The following HTR2C variants were observed in gnomAD, a reference collection of about 807,000 sequenced individuals.
HTR2C encodes the protein 5-hydroxytryptamine receptor 2C.
A neutral mutation model predicts 21.0 loss-of-function variants in HTR2C; 5 were observed. The observed-to-expected ratio is 0.24, with a 90% CI of 0.12 to 0.50. The LOEUF (loss-of-function observed/expected upper bound fraction) is 0.50. HTR2C is among the 20% of genes least tolerant of loss of function. The pLI is 0.98. For missense variants in HTR2C, 271 were observed against 371.2 expected (o/e 0.73, Z 2.22); for synonymous variants, 150 against 145.3 (o/e 1.03, Z -0.23).
intron 4 of HTR2C, among the ~76,000 whole-genome samples, chrX:114,786,609 A>C (rs1167783891): frequency 4.5e-5 from 5 of 111,672 alleles, no homozygotes; most frequent in African/African-American, 1.6e-4. Context: ...TTTAGCTATT[A>C]TATTACACTC....
rs782496143 is a variant in HTR2C at position 114,609,152 on chromosome X, T to TA, written c.-146-4656dup. Among the ~76,000 whole-genome samples the TA allele has an allele frequency of 3.5e-4, 39 of 111,393 alleles. No individual in the cohort carries two copies. The East Asian group carries it at 6.5e-3, about 19-fold the overall frequency. On this transcript the variant is annotated intron_variant, in intron 1 of 5. Coordinates refer to ENST00000276198, the MANE Select transcript of HTR2C (RefSeq NM_000868.4). ...GTATTTTGGCCACTAACATCACTAA[T>TA]AAAAAAACAGTAAATAAAATCGGAA...
intron 1 of HTR2C, among the ~76,000 whole-genome samples, chrX:114,605,245 A>T (rs782530304): frequency 1.8e-5 from 2 of 112,531 alleles, no homozygotes; most frequent in Non-Finnish European, 3.7e-5. Context: ...TAGTCATGGA[A>T]CGAAACTGTA....
intron 2 of HTR2C, among the ~76,000 whole-genome samples, chrX:114,662,644 C>A (rs1931032293): frequency 9.0e-6 from 1 of 111,549 alleles, no homozygotes; most frequent in African/African-American, 3.3e-5. Context: ...CATGCAGAAT[C>A]CATTATGCAT....
At chrX:114,857,032 G>A (rs1263465958) in intron 5 of HTR2C, among the ~76,000 whole-genome samples, 1 of 111,267 alleles carries the variant, frequency 9.0e-6, no homozygotes, top group Non-Finnish European at 1.9e-5. Context: ...CTAAGTTTCC[G>A]GTGCTAGCTC....
intron 2 of HTR2C, among the ~76,000 whole-genome samples, chrX:114,666,165 G>A (rs1931169232): frequency 8.9e-6 from 1 of 111,797 alleles, no homozygotes; most frequent in South Asian, 3.7e-4. Context: ...AGTGATAGTA[G>A]AGAAAGCAAC....
At chrX:114,781,313 G>A (rs1287584378) in intron 4 of HTR2C, among the ~76,000 whole-genome samples, 2 of 110,399 alleles carry the variant, frequency 1.8e-5, no homozygotes, top group East Asian at 2.9e-4. Context: ...ATAACAAGAC[G>A]CTGACTCTAC....
rs368100751 is a variant in HTR2C, at chrX:114,661,627, T to C, written c.-80+47746T>C. 2.7e-5 allele frequency among the ~76,000 whole-genome samples: 3 copies of C among 110,233 alleles called. No homozygotes were observed. The East Asian group carries it at 8.7e-4, about 32-fold the overall frequency. On this transcript the variant is annotated intron_variant, in intron 2 of 5. Coordinates refer to ENST00000276198, the MANE Select transcript of HTR2C (RefSeq NM_000868.4). ...CTCAAGTGATCCACCTGCGTCAGCC[T>C]CCCAAAGTGCTGGGATTACAGCCCT... is the stretch of plus-strand genomic sequence containing the variant.
intron 2 of HTR2C, among the ~76,000 whole-genome samples, chrX:114,707,124 A>C (rs1475137595): frequency 8.9e-6 from 1 of 112,206 alleles, no homozygotes; most frequent in Non-Finnish European, 1.9e-5. Context: ...CAAAATTCTA[A>C]AAACAAATTA....
intron 4 of HTR2C, chrX:114,776,590 G>GTTCA (rs2070059763): frequency 1.3e-5 from 7 of 523,387 alleles, no homozygotes; most frequent in Non-Finnish European, 2.4e-5. Flanking sequence ...TGTTGGTGGG[G>GTTCA]TTCATTGCAG....
chrX:114,642,982 A>T (rs1344837476), intron 2 of HTR2C, among the ~76,000 whole-genome samples: 1 of 111,248 alleles, frequency 9.0e-6, no homozygotes, highest in Non-Finnish European at 1.9e-5. Context: ...CAAGAAAAAA[A>T]TTCAACAATG....
In HTR2C at chrX:114,907,854, GTAAA is replaced by G; in HGVS notation, c.*442_*445del. On this transcript the variant is annotated 3_prime_UTR_variant, in exon 6 of 6. Transcript: ENST00000276198. ...AGTGGACATTTGTTCTGGGTTAACA[GTAAA>G]TATACACTTTACATTCTTGCTCTGC... The G allele has an allele frequency of 8.0e-6, 1 of 125,117 alleles. No individual in the cohort carries two copies. The highest frequency in any genetic ancestry group is 2.8e-4 in the South Asian group (1 of 3,631). 10.3% of individuals were successfully genotyped at this position (125,117 alleles called of 1,213,427 possible). A position where few individuals can be genotyped will look rare whatever the true frequency, so the allele number is the denominator to read the frequency against.
At chrX:114,829,405 G>A (rs2070702464) in intron 4 of HTR2C, among the ~76,000 whole-genome samples, 1 of 110,767 alleles carries the variant, frequency 9.0e-6, no homozygotes, top group African/African-American at 3.3e-5. Context: ...TTTTTTATTT[G>A]CAAATATTTT....
intron 5 of HTR2C, among the ~76,000 whole-genome samples, chrX:114,872,890 A>G (rs1245348776): frequency 2.7e-5 from 3 of 111,579 alleles, no homozygotes; most frequent in East Asian, 5.7e-4. Context: ...GGAACTGTGT[A>G]CTTCTCATTT....
chrX:114,895,108 GAC>G (rs782154521), intron 5 of HTR2C, among the ~76,000 whole-genome samples: 93 of 111,835 alleles, frequency 8.3e-4, no homozygotes, highest in Non-Finnish European at 1.7e-3. Flanking sequence ...AGGGAGGAAA[GAC>G]ACACTGAGGA....
chrX:114,648,842 T>A, intron 2 of HTR2C, among the ~76,000 whole-genome samples: 1 of 112,219 alleles, frequency 8.9e-6, no homozygotes, highest in Non-Finnish European at 1.9e-5. Flanking sequence ...ATATATGTCA[T>A]TTTTAGCTTT....
At chrX:114,901,859 A>AT (rs1236593528) in intron 5 of HTR2C, among the ~76,000 whole-genome samples, 201 of 110,137 alleles carry the variant, frequency 1.8e-3, no homozygotes, top group Non-Finnish European at 2.1e-3. Context: ...CTAATAATTT[A>AT]TTTTTTTTTG....
At chrX:114,843,639 T>C (rs1556466331) in intron 4 of HTR2C, among the ~76,000 whole-genome samples, 1 of 111,381 alleles carries the variant, frequency 9.0e-6, no homozygotes. Context: ...CTCAATGAAC[T>C]CTAAGCAAGA....
chrX:114,652,649 T>C (rs781963068), intron 2 of HTR2C: 1 of 377,896 alleles, frequency 2.6e-6, no homozygotes, highest in African/African-American at 2.7e-5. Context: ...ATGCCTGGCA[T>C]ATAGCAGGTC....
In HTR2C at chrX:114,907,031, T is replaced by C. The variant is rs2071380623; in HGVS notation, c.993T>C (p.Asn331=). The change falls in exon 6 of 6, where the codon AAT becomes AAC. Residue 331 remains asparagine, a synonymous_variant. Transcript: ENST00000276198. Reference sequence around the variant, plus strand: ...TGTGGTGCCCATTTTTCATTACCAATATTCTGTCTGTTCTTTGTGAGAAGT... The same window carrying C: ...TGTGGTGCCCATTTTTCATTACCAACATTCTGTCTGTTCTTTGTGAGAAGT... ...LIMWCPFFIT[N]ILSVLCEKSC... 8.3e-7 allele frequency: 1 copy of C among 1,208,876 alleles called. No homozygotes were observed. Among genetic ancestry groups the C allele is most frequent in the Non-Finnish European group, 1.1e-6 (1 of 894,460 alleles).
Sources: allele counts gnomAD v4.1 joint callset (sites outside exome capture counted in the v4.1 genomes callset), GRCh38; gene constraint gnomAD v4.1.1; transcripts MANE v1.5; gene names NCBI Gene and HGNC (gene_info 2026-07-23, HGNC 2026-07-21).